Variants in FZD6 observed in about 807,000 individuals in gnomAD.
The protein encoded by FZD6 is frizzled class receptor 6, also known as frizzled-6.
FZD6 carries 49 observed loss-of-function variants against 61.4 expected under a neutral mutation model. The ratio of observed to expected loss-of-function variants is 0.80; its 90% CI spans 0.63 to 1.01. The LOEUF (loss-of-function observed/expected upper bound fraction) is 1.01. Among genes scored for constraint, FZD6 ranks in the 50% least tolerant of loss-of-function variants. FZD6 has a pLI of 0.00. For missense variants in FZD6, 724 were observed against 848.2 expected, an observed-to-expected ratio of 0.85 and a Z score of 1.82; for synonymous variants, 265 against 292.2, an observed-to-expected ratio of 0.91 and a Z score of 0.95.
intron 2 of FZD6, among the ~76,000 whole-genome samples, chr8:103,305,936 A>G (rs1010266336): frequency 6.6e-6 from 1 of 152,242 alleles, no homozygotes; most frequent in Non-Finnish European, 1.5e-5. Flanking sequence ...TGTGGCATGT[A>G]AATAATGAAG....
At chr8:103,318,312 G>C (rs78637436) in intron 2 of FZD6, among the ~76,000 whole-genome samples, 4,384 of 152,266 alleles carry the variant, frequency 0.029, 206 homozygotes, top group African/African-American at 0.098. Flanking sequence ...GAGTAGAAGG[G>C]ATGTTCAGAA....
chr8:103,330,323 A>C (rs190156708), intron 6 of FZD6, among the ~76,000 whole-genome samples: 1 of 152,320 alleles, frequency 6.6e-6, no homozygotes, highest in Non-Finnish European at 1.5e-5. Context: ...ACATTTAAGT[A>C]AATGCAATTT....
intron 2 of FZD6, among the ~76,000 whole-genome samples, chr8:103,301,192 A>T (rs77492003): frequency 1.3e-5 from 2 of 152,160 alleles, no homozygotes; most frequent in Admixed American, 6.5e-5. Context: ...ATTGTTGTTC[A>T]GTTGAATAGT....
chr8:103,329,591 A>G (rs1334152002), intron 5 of FZD6, 64 bp from the exon 6 acceptor site: 3 of 1,230,106 alleles, frequency 2.4e-6, no homozygotes, highest in East Asian at 4.7e-5. Context: ...GATATCCTTT[A>G]TATCCTCTAC....
chr8:103,308,872 C>T (rs1368613028), intron 2 of FZD6, among the ~76,000 whole-genome samples: 1 of 152,112 alleles, frequency 6.6e-6, no homozygotes, highest in Admixed American at 6.5e-5. Context: ...GCCAAGGTCC[C>T]TTTTAATTAT....
intron 3 of FZD6, among the ~76,000 whole-genome samples, chr8:103,321,468 C>A (rs1277057863): frequency 2.0e-5 from 3 of 152,110 alleles, no homozygotes; most frequent in African/African-American, 7.2e-5. Flanking sequence ...AAAACACACA[C>A]AAAGAAAGAG....
chr8:103,298,686 G>C (rs1472752387), upstream of FZD6: 1 of 151,712 alleles, frequency 6.6e-6, no homozygotes, highest in African/African-American at 2.4e-5. Context: ...TCGGCACCCC[G>C]AGCCCGTTCA....
chr8:103,298,829 C>T, upstream of FZD6: 1 of 166,060 alleles, frequency 6.0e-6, no homozygotes, highest in Non-Finnish European at 1.2e-5. Context: ...ACCTGCCCGC[C>T]CGACCTGGCG....
chr8:103,328,263 T>G lies in FZD6; in HGVS notation c.1393-5T>G. The G allele has an allele frequency of 6.2e-7, 1 of 1,604,928 alleles. No homozygotes were observed. The highest frequency in any genetic ancestry group is 8.5e-7 in the Non-Finnish European group (1 of 1,171,760). On this transcript the variant is annotated splice_region_variant and splice_polypyrimidine_tract_variant and intron_variant, in intron 4 of 6. Coordinates refer to ENST00000358755, the MANE Select transcript of FZD6 (RefSeq NM_003506.4). ...GAAAATATTATTATTCACTATTTTT[T>G]GTAGGCAAAAGCAAAAGCTCGACCA...
At chr8:103,314,218 A>T (rs1814571295) in intron 2 of FZD6, among the ~76,000 whole-genome samples, 1 of 152,202 alleles carries the variant, frequency 6.6e-6, no homozygotes, top group Non-Finnish European at 1.5e-5. Context: ...CTGCCCTTGA[A>T]CTATATAATT....
chr8:103,315,376 A>G (rs1441671923), intron 2 of FZD6, among the ~76,000 whole-genome samples: 1 of 152,196 alleles, frequency 6.6e-6, no homozygotes, highest in Non-Finnish European at 1.5e-5. Context: ...CAACTGGTAA[A>G]TGGTTAAGAA....
At chr8:103,303,979 G>A (rs964600180) in intron 2 of FZD6, among the ~76,000 whole-genome samples, 1 of 151,608 alleles carries the variant, frequency 6.6e-6, no homozygotes, top group Non-Finnish European at 1.5e-5. Context: ...TTCCAGTTGA[G>A]TACTAAATTA....
chr8:103,331,322 C>T lies in FZD6; in HGVS notation c.1953-19C>T, dbSNP rs1554623694. The T allele has an allele frequency of 1.9e-6, 3 of 1,591,420 alleles. No homozygotes were observed. The highest frequency in any genetic ancestry group is 4.5e-5 in the East Asian group (2 of 44,754). On this transcript the variant is annotated intron_variant, in intron 6 of 6. Coordinates refer to ENST00000358755, the MANE Select transcript of FZD6 (RefSeq NM_003506.4). ...GTGTTTGTGGATGTGTGTGTGTCAA[C>T]TTTTTTTCTTTTATCTAGGATTAGT... is the stretch of plus-strand genomic sequence containing the variant.
intron 4 of FZD6, among the ~76,000 whole-genome samples, chr8:103,326,271 G>C (rs1490957467): frequency 1.3e-5 from 2 of 152,104 alleles, no homozygotes; most frequent in East Asian, 3.8e-4. Flanking sequence ...ATTTCAGAAA[G>C]TTACTGCTTT....
In FZD6 at chr8:103,324,572, G is replaced by C. The variant is rs749629030; in HGVS notation, c.466G>C (p.Asp156His). The C allele has an allele frequency of 1.2e-6, 2 of 1,612,572 alleles. No individual in the cohort carries two copies. The highest frequency in any genetic ancestry group is 1.3e-5 in the African/African-American group (1 of 74,898). ...GAAGAAAACAGAACAAGTCCAAAGA[G>C]ACATTGGATTTTGGTGTCCAAGGCA... ...PQKKTEQVQR[D>H]IGFWCPRHLK... Residue 156 changes from aspartate (D) to histidine (H), a missense_variant, in exon 4 of 7, where the codon GAC (aspartate) becomes CAC (histidine). Asp to His is a moderately conservative substitution (Grantham distance 81). Coordinates refer to ENST00000358755, the MANE Select transcript of FZD6 (RefSeq NM_003506.4).
intron 2 of FZD6, among the ~76,000 whole-genome samples, chr8:103,313,551 G>A (rs1030154450): frequency 6.6e-5 from 10 of 152,182 alleles, no homozygotes; most frequent in Admixed American, 3.9e-4. Context: ...TTAGTATATC[G>A]GCCTCCTTTT....
At chr8:103,318,454 A>G (rs1282089754) in intron 2 of FZD6, 136 bp from the exon 3 acceptor site, 14 of 669,588 alleles carry the variant, frequency 2.1e-5, no homozygotes, top group Admixed American at 4.5e-5. Flanking sequence ...TGAAGAGTTC[A>G]TAAGTCTGAT....
intron 2 of FZD6, among the ~76,000 whole-genome samples, chr8:103,304,452 G>C (rs961373705): frequency 3.3e-5 from 5 of 152,174 alleles, no homozygotes; most frequent in Middle Eastern, 3.2e-3. Context: ...GCGCAGCTGT[G>C]GTTTCACAAG....
intron 2 of FZD6, among the ~76,000 whole-genome samples, chr8:103,302,827 G>A (rs575640277): frequency 5.1e-4 from 78 of 152,042 alleles, no homozygotes; most frequent in African/African-American, 1.7e-3. Flanking sequence ...TCTCTGTGGC[G>A]CACACCTGTA....
Sources: gnomAD v4.1 joint callset for allele counts (sites outside exome capture counted in the v4.1 genomes callset) on GRCh38, gnomAD v4.1.1 for gene constraint, MANE v1.5 for transcripts, NCBI Gene and HGNC (gene_info 2026-07-23, HGNC 2026-07-21) for gene names.